MICAL3: variants seen among roughly 807,000 people sequenced by gnomAD.
The protein encoded by MICAL3 is microtubule associated monooxygenase, calponin and LIM domain containing 3.
MICAL3 carries 62 observed loss-of-function variants against 207.4 expected under a neutral mutation model. The ratio of observed to expected loss-of-function variants is 0.30; its 90% CI spans 0.24 to 0.37. The LOEUF (loss-of-function observed/expected upper bound fraction) is 0.37. MICAL3 is among the 10% of genes least tolerant of loss of function. The pLI is 1.00. For missense variants in MICAL3, 2,368 were observed against 2,635.6 expected (o/e 0.90, Z 2.22); for synonymous variants, 1,077 against 1,069.3 (o/e 1.01, Z -0.14).
At chr22:17,919,673 C>T (rs371484595) in intron 1 of MICAL3, among the ~76,000 whole-genome samples, 2 of 152,222 alleles carry the variant, frequency 1.3e-5, no homozygotes, top group Admixed American at 6.5e-5. Flanking sequence ...TTCTGCCCAG[C>T]GGGGGAGGTG....
rs764459530 is a variant in MICAL3 at position 17,817,490 on chromosome 22, G to T, written c.5171C>A (p.Pro1724His). ...GGCTTCTTCTAGGAGGTTGGAGCTGGGCTTCTCCGGGGGCCGGCCCTCGCC... is the reference window on the plus strand; with the variant it reads ...GGCTTCTTCTAGGAGGTTGGAGCTGTGCTTCTCCGGGGGCCGGCCCTCGCC... ...SKGEGRPPEK[P>H]SSNLLEEAAA... The change falls in exon 26 of 32, where the codon CCC becomes CAC. Residue 1724 changes from proline (P) to histidine (H), a missense_variant. Physicochemically the swap from Pro to His is moderately conservative, Grantham distance 77. Transcript: ENST00000441493. The T allele has an allele frequency of 1.2e-6, 2 of 1,613,746 alleles. No individual in the cohort carries two copies. Among genetic ancestry groups the T allele is most frequent in the Non-Finnish European group, 1.7e-6 (2 of 1,179,866 alleles).
rs9605407 is a variant in MICAL3 at position 17,791,146 on chromosome 22, C to A, written c.5750+56G>T. ...CCCTCACCCCCAAATCTGGAAGGAC[C>A]TCCATGCCGGCTGTGACAAGCATAG... is the stretch of plus-strand genomic sequence containing the variant. On this transcript the variant is annotated intron_variant, in intron 30 of 31. Coordinates refer to ENST00000441493, the MANE Select transcript of MICAL3 (RefSeq NM_015241.3). 1.2e-5 allele frequency: 20 copies of A among 1,605,500 alleles called. No homozygotes were observed. The East Asian group carries it at 3.6e-4, about 29-fold the overall frequency.
At chr22:17,876,892 T>C (rs35550245) in intron 16 of MICAL3, 23 of 12,900 alleles carry the variant, frequency 1.8e-3, no homozygotes, top group Non-Finnish European at 2.9e-3. Flanking sequence ...AGGGAGGTTA[T>C]GGAGGTTAGG....
chr22:17,817,464 C>T lies in MICAL3; in HGVS notation c.5197G>A (p.Ala1733Thr), dbSNP rs776392748. The change falls in exon 26 of 32, where the codon GCC becomes ACC. Residue 1733 changes from alanine to threonine, a missense_variant. Physicochemically the swap from Ala to Thr is moderately conservative, Grantham distance 58. Coordinates refer to ENST00000441493, the MANE Select transcript of MICAL3 (RefSeq NM_015241.3). The stretch of plus-strand genomic sequence containing the variant: ...TTCCACAGGGACTTGGGTTTGGCGG[C>T]GGCTTCTTCTAGGAGGTTGGAGCTG... ...KPSSNLLEEA[A>T]AKPKSLWKSV... 1.4e-5 allele frequency: 22 copies of T among 1,613,632 alleles called. No homozygotes were observed. In the South Asian group the frequency reaches 1.9e-4, roughly 14 times the overall value.
intron 1 of MICAL3, among the ~76,000 whole-genome samples, chr22:17,968,818 G>A (rs570610508): frequency 6.6e-6 from 1 of 152,180 alleles, no homozygotes; most frequent in African/African-American, 2.4e-5. Flanking sequence ...AGCATGGGGC[G>A]ACAAACTTCA....
intron 1 of MICAL3, among the ~76,000 whole-genome samples, chr22:17,994,013 C>G (rs4819653): frequency 6.6e-6 from 1 of 152,130 alleles, no homozygotes; most frequent in Middle Eastern, 3.2e-3. Flanking sequence ...AACAGCACCC[C>G]GTCTGTCCGC....
chr22:17,812,315 A>G (rs1013472257), intron 27 of MICAL3, among the ~76,000 whole-genome samples: 15 of 152,224 alleles, frequency 9.9e-5, no homozygotes, highest in African/African-American at 3.4e-4. Context: ...CCAGCCGGTG[A>G]GGAGCAGGTG....
chr22:17,943,513 T>C (rs1250499076), intron 1 of MICAL3, among the ~76,000 whole-genome samples: 2 of 152,124 alleles, frequency 1.3e-5, no homozygotes. Context: ...ACAGGCAAAA[T>C]ATCTCCAGTG....
chr22:17,810,054 A>ATTTTT (rs758573402), intron 28 of MICAL3, among the ~76,000 whole-genome samples: 1 of 97,050 alleles, frequency 1.0e-5, no homozygotes, highest in African/African-American at 4.9e-5. Context: ...ATGCCTGGCT[A>ATTTTT]TTTTTTTTTT....
intron 17 of MICAL3, among the ~76,000 whole-genome samples, chr22:17,866,503 C>T (rs965631312): frequency 9.2e-5 from 14 of 152,174 alleles, no homozygotes; most frequent in African/African-American, 3.4e-4. Context: ...CTATCTCTCA[C>T]CCCCTCCCAG....
At chr22:17,992,914 G>C (rs1204279953) in intron 1 of MICAL3, among the ~76,000 whole-genome samples, 1 of 152,200 alleles carries the variant, frequency 6.6e-6, no homozygotes, top group Non-Finnish European at 1.5e-5. Flanking sequence ...CTGAAGACTA[G>C]AAATGATGTG....
At chr22:17,806,083 T>C (rs2061986158) in intron 29 of MICAL3, among the ~76,000 whole-genome samples, 1 of 152,192 alleles carries the variant, frequency 6.6e-6, no homozygotes, top group South Asian at 2.1e-4. Flanking sequence ...ACCCAATAAT[T>C]TGTGCTGCCA....
chr22:17,873,572 C>T (rs1051569490), intron 16 of MICAL3, among the ~76,000 whole-genome samples: 5 of 152,226 alleles, frequency 3.3e-5, no homozygotes, highest in African/African-American at 1.2e-4. Flanking sequence ...ATGTTGGCCA[C>T]GAGGTGTGGC....
At chr22:18,002,878 T>A (rs1379262518) in intron 1 of MICAL3, among the ~76,000 whole-genome samples, 2 of 151,582 alleles carry the variant, frequency 1.3e-5, no homozygotes, top group African/African-American at 4.8e-5. Flanking sequence ...AACTTTAGGC[T>A]GGGCGCGGTG....
At chr22:17,904,591 G>C (rs934375991) in intron 3 of MICAL3, 41 bp downstream of exon 3, 2 of 1,455,214 alleles carry the variant, frequency 1.4e-6, no homozygotes, top group African/African-American at 2.8e-5. Context: ...AAGCGTGCAA[G>C]GGGTAGGGTG....
At chr22:17,813,461 T>C (rs575749826) in intron 27 of MICAL3, 1 of 152,308 alleles carries the variant, frequency 6.6e-6, no homozygotes, top group South Asian at 2.1e-4. Flanking sequence ...AAGAATAAAT[T>C]TGCCTCCTTC....
At chr22:17,832,158 G>C in intron 20 of MICAL3, 51 bp from the exon 21 acceptor site, 1 of 1,532,826 alleles carries the variant, frequency 6.5e-7, no homozygotes, top group South Asian at 1.2e-5. Context: ...GAAAAACTGA[G>C]AAGGGGAAGG....
At chr22:17,863,395 T>A (rs960958207) in intron 19 of MICAL3, 5 of 985,300 alleles carry the variant, frequency 5.1e-6, no homozygotes, top group Non-Finnish European at 6.0e-6. Context: ...TTCTATAGCA[T>A]AAAGCCAAAG....
intron 20 of MICAL3, chr22:17,834,547 T>C (rs1317858997): frequency 3.4e-6 from 4 of 1,167,538 alleles, no homozygotes; most frequent in African/African-American, 1.7e-5. Context: ...GGAGACCCAG[T>C]CTCTACAAAA....
Sources: allele counts gnomAD v4.1 joint callset (sites outside exome capture counted in the v4.1 genomes callset), GRCh38; gene constraint gnomAD v4.1.1; transcripts MANE v1.5; gene names NCBI Gene and HGNC (gene_info 2026-07-23, HGNC 2026-07-21).